The following GAD2 variants were observed in gnomAD, a reference collection of about 807,000 sequenced individuals.
GAD2 encodes 65 kDa glutamic acid decarboxylase.
In GAD2, 22 loss-of-function variants were observed where a neutral mutation model predicts 80.1. The ratio of observed to expected loss-of-function variants is 0.27; its 90% CI spans 0.20 to 0.39. The LOEUF is 0.39. GAD2 is among the 10% of genes least tolerant of loss of function. GAD2 has a pLI of 1.00. For synonymous variants in GAD2, 274 were observed against 256.9 expected, an observed-to-expected ratio of 1.07 and a Z score of -0.64; for missense variants, 624 against 738.4, an observed-to-expected ratio of 0.85 and a Z score of 1.80.
Position 26,274,772 on chromosome 10 carries a change from G to T in GAD2, c.1157+1072G>T, listed in dbSNP as rs114388803. On this transcript the variant is annotated intron_variant, in intron 11 of 15. Coordinates refer to ENST00000376261, the MANE Select transcript of GAD2 (RefSeq NM_001134366.2). ...AACCCGTGAGTGTGGAAAGAGAGGG[G>T]TATGGTTACTGGGCTGGAGTCAAGA... is the stretch of plus-strand genomic sequence containing the variant. Among the ~76,000 whole-genome samples, 408 of 152,308 alleles carry T rather than the reference G, an allele frequency of 2.7e-3. 2 individuals are homozygous for T. The highest frequency in any genetic ancestry group is 9.2e-3 in the African/African-American group (381 of 41,564).
At chr10:26,252,321 A>T (rs978194969) in intron 8 of GAD2, among the ~76,000 whole-genome samples, 1 of 152,112 alleles carries the variant, frequency 6.6e-6, no homozygotes. Flanking sequence ...ATGTGGAGGA[A>T]GATCCTGCGA....
intron 12 of GAD2, among the ~76,000 whole-genome samples, chr10:26,284,065 G>A (rs1274214504): frequency 6.6e-6 from 1 of 152,232 alleles, no homozygotes; most frequent in African/African-American, 2.4e-5. Context: ...TAGTAAGGGT[G>A]TAGAAATGAT....
At chr10:26,260,428 A>G (rs1462304532) in intron 8 of GAD2, among the ~76,000 whole-genome samples, 1 of 152,162 alleles carries the variant, frequency 6.6e-6, no homozygotes, top group Non-Finnish European at 1.5e-5. Context: ...CAGGAGTTCG[A>G]GACCAGCCTG....
chr10:26,269,251 A>G, intron 9 of GAD2, 78 bp downstream of exon 9: 1 of 1,268,910 alleles, frequency 7.9e-7, no homozygotes, highest in South Asian at 1.5e-5. Flanking sequence ...TTTTGGTTTT[A>G]TTTTAAAAAG....
chr10:26,299,962 A>G (rs8190792), intron 15 of GAD2, among the ~76,000 whole-genome samples: 253 of 152,346 alleles, frequency 1.7e-3, no homozygotes, highest in Non-Finnish European at 3.1e-3. Flanking sequence ...GGATAAAAAT[A>G]CATATGGTAA....
At chr10:26,252,465 C>G (rs1443363816) in intron 8 of GAD2, among the ~76,000 whole-genome samples, 1 of 152,132 alleles carries the variant, frequency 6.6e-6, no homozygotes, top group African/African-American at 2.4e-5. Context: ...GCCTCAGCCT[C>G]CCAAGTAGCT....
intron 6 of GAD2, 106 bp downstream of exon 6, chr10:26,224,757 A>G: frequency 1.3e-6 from 1 of 750,670 alleles, no homozygotes; most frequent in Non-Finnish European, 2.3e-6. Flanking sequence ...GCTTAGGTTA[A>G]ATAGACTGTG....
Position 26,229,826 on chromosome 10 carries a change from C to T in GAD2, c.840+49C>T, listed in dbSNP as rs8190631. 131 of 1,381,494 alleles carry T rather than the reference C, an allele frequency of 9.5e-5. 1 individual carries two copies. The South Asian group carries it at 1.2e-3, about 13-fold the overall frequency. The allele number at this position is 1,381,494 out of a possible 1,614,324, so 85.6% of individuals were successfully genotyped here. ...GTTTAAGGTTATGTTCCATAAAGCCCGAGTTTAAGGAGTGATGGCTGGAAA... is the reference window on the plus strand; with the variant it reads ...GTTTAAGGTTATGTTCCATAAAGCCTGAGTTTAAGGAGTGATGGCTGGAAA... On this transcript the variant is annotated intron_variant, in intron 7 of 15. Transcript: ENST00000376261.
intron 7 of GAD2, among the ~76,000 whole-genome samples, chr10:26,238,716 A>G (rs1467416383): frequency 6.6e-6 from 1 of 152,244 alleles, no homozygotes; most frequent in Non-Finnish European, 1.5e-5. Flanking sequence ...CCAGATCATT[A>G]TAATTAGAAA....
chr10:26,217,628 T>C lies in GAD2; in HGVS notation c.95T>C (p.Val32Ala), dbSNP rs774469841. 6.2e-7 allele frequency: 1 copy of C among 1,613,430 alleles called. No individual in the cohort carries two copies. The highest frequency in any genetic ancestry group is 8.5e-7 in the Non-Finnish European group (1 of 1,179,814). Reference protein sequence around the residue: ...NPGTARAWCQVAQKFTGGIGN... With the variant: ...NPGTARAWCQAAQKFTGGIGN... ...CTTGCAGCGCGAGCCTGGTGCCAAG[T>C]GGCTCAGAAGTTCACGGGCGGCATC... The change falls in exon 2 of 16, where the codon GTG becomes GCG. Residue 32 changes from valine to alanine, a missense_variant. Transcript: ENST00000376261. This position sits in a 1 kb window ranked among gnomAD's most constrained non-coding sequence, Gnocchi z 4.9.
At chr10:26,223,447 G>A (rs1000861710) in intron 4 of GAD2, among the ~76,000 whole-genome samples, 1 of 152,040 alleles carries the variant, frequency 6.6e-6, no homozygotes, top group Non-Finnish European at 1.5e-5. Context: ...TTCTCAGAAC[G>A]ACTACAAAAA....
intron 13 of GAD2, among the ~76,000 whole-genome samples, chr10:26,289,865 T>G (rs1473587203): frequency 1.3e-5 from 2 of 148,990 alleles, no homozygotes; most frequent in African/African-American, 5.0e-5. Flanking sequence ...TGATCTCAGC[T>G]CACTGCAGCC....
At chr10:26,219,540 C>T (rs1844427642) in intron 4 of GAD2, among the ~76,000 whole-genome samples, 1 of 151,996 alleles carries the variant, frequency 6.6e-6, no homozygotes, top group African/African-American at 2.4e-5. Context: ...TATTTGGACA[C>T]GGAGGTTATA....
chr10:26,230,964 A>C (rs8190641), intron 7 of GAD2, among the ~76,000 whole-genome samples: 16,147 of 151,982 alleles, frequency 0.11, 1,043 homozygotes, highest in African/African-American at 0.17. Context: ...GTGGTAGGCA[A>C]CTGTAATCCC....
chr10:26,236,314 T>TC (rs1461719978), intron 7 of GAD2, among the ~76,000 whole-genome samples: 1 of 151,068 alleles, frequency 6.6e-6, no homozygotes, highest in Non-Finnish European at 1.5e-5. Flanking sequence ...TTTTTTTTTT[T>TC]TTTGAGATGG....
At chr10:26,270,796 C>A in intron 10 of GAD2, 40 bp downstream of exon 10, 1 of 1,271,994 alleles carries the variant, frequency 7.9e-7, no homozygotes, top group Non-Finnish European at 1.1e-6. Flanking sequence ...AACGTCCTTG[C>A]ACGTTTTTCA....
intron 11 of GAD2, among the ~76,000 whole-genome samples, chr10:26,276,619 C>G (rs538821576): frequency 6.6e-6 from 1 of 152,036 alleles, no homozygotes; most frequent in African/African-American, 2.4e-5. Flanking sequence ...AACTCCTGAC[C>G]TCAAGTGATC....
chr10:26,253,127 T>TA (rs562342382), intron 8 of GAD2, among the ~76,000 whole-genome samples: 10 of 152,178 alleles, frequency 6.6e-5, no homozygotes, highest in African/African-American at 1.2e-4. Flanking sequence ...TAAATATACT[T>TA]AAAAAATGGA....
At chr10:26,240,157 C>T (rs967581573) in intron 7 of GAD2, among the ~76,000 whole-genome samples, 3 of 152,208 alleles carry the variant, frequency 2.0e-5, no homozygotes, top group African/African-American at 7.2e-5. Flanking sequence ...TCAGAGCTTT[C>T]TACCACTCAC....
Sources: gnomAD v4.1 joint callset for allele counts (sites outside exome capture counted in the v4.1 genomes callset) on GRCh38, gnomAD v4.1.1 for gene constraint, Gnocchi (gnomAD v3.1) non-coding constraint, MANE v1.5 for transcripts, NCBI Gene and HGNC (gene_info 2026-07-23, HGNC 2026-07-21) for gene names.